The following PDK3 variants were observed in gnomAD, a reference collection of about 807,000 sequenced individuals.
PDK3 encodes pyruvate dehydrogenase kinase 3.
A neutral mutation model predicts 32.0 loss-of-function variants in PDK3; 12 were observed. That is an observed-to-expected ratio of 0.37 (90% CI 0.24 to 0.61). The LOEUF is 0.61. Ranked by LOEUF, PDK3 falls within the 20% of genes least tolerant of loss-of-function variation. The pLI is 0.65. For missense variants in PDK3, 188 were observed against 316.9 expected (o/e 0.59, Z 3.09); for synonymous variants, 122 against 116.3 (o/e 1.05, Z -0.31).
intron 6 of PDK3, among the ~76,000 whole-genome samples, chrX:24,523,483 A>G (rs1480428835): frequency 8.9e-6 from 1 of 112,202 alleles, no homozygotes; most frequent in African/African-American, 3.2e-5. Context: ...TGGTTTGCCG[A>G]AGATTGTCCT....
At chrX:24,469,890 A>T (rs1426632813) in intron 1 of PDK3, among the ~76,000 whole-genome samples, 1 of 112,515 alleles carries the variant, frequency 8.9e-6, no homozygotes, top group Non-Finnish European at 1.9e-5. Flanking sequence ...CATATCTATC[A>T]TCTCACATAG....
At chrX:24,506,801 C>CTTTTTTTTTTTTT (rs10682263) in intron 5 of PDK3, among the ~76,000 whole-genome samples, 4 of 49,505 alleles carry the variant, frequency 8.1e-5, no homozygotes, top group Non-Finnish European at 1.0e-4. Flanking sequence ...TTTTTTCTTT[C>CTTTTTTTTTTTTT]TTTTTTTTTT....
chrX:24,537,117 CTT>C (rs34294652), downstream of PDK3, among the ~76,000 whole-genome samples: 195 of 82,718 alleles, frequency 2.4e-3, 1 homozygote, highest in African/African-American at 8.1e-3. Context: ...CTTTTCTTTT[CTT>C]TTTTTTTTTT....
At chrX:24,511,709 A>G (rs1035398732) in intron 5 of PDK3, among the ~76,000 whole-genome samples, 2 of 110,784 alleles carry the variant, frequency 1.8e-5, no homozygotes, top group African/African-American at 6.6e-5. Context: ...TTAGACGGGC[A>G]TGGTGGCAGG....
intron 5 of PDK3, among the ~76,000 whole-genome samples, chrX:24,507,145 G>A (rs967238397): frequency 9.0e-6 from 1 of 110,812 alleles, no homozygotes; most frequent in Non-Finnish European, 1.9e-5. Context: ...AGAAACCCTG[G>A]ACCTGTTAGC....
At chrX:24,484,733 G>A (rs1338583354) in intron 1 of PDK3, among the ~76,000 whole-genome samples, 2 of 111,572 alleles carry the variant, frequency 1.8e-5, no homozygotes, top group East Asian at 5.6e-4. Context: ...AGCATATTTT[G>A]TATGAGATTT....
intron 2 of PDK3, among the ~76,000 whole-genome samples, chrX:24,497,191 G>A (rs1458493594): frequency 9.0e-6 from 1 of 111,508 alleles, no homozygotes; most frequent in Non-Finnish European, 1.9e-5. Context: ...GGGCATCACT[G>A]GGGCTGGCTG....
At chrX:24,480,662 A>G (rs1921231182) in intron 1 of PDK3, among the ~76,000 whole-genome samples, 1 of 112,472 alleles carries the variant, frequency 8.9e-6, no homozygotes, top group Non-Finnish European at 1.9e-5. Context: ...TCTGTGAGTG[A>G]GATGCCAAAG....
chrX:24,522,905 CA>C (rs778995966), intron 6 of PDK3, among the ~76,000 whole-genome samples: 94 of 83,488 alleles, frequency 1.1e-3, no homozygotes, highest in East Asian at 2.1e-3. Flanking sequence ...GACTCCATCT[CA>C]AAAAAAAAAA....
chrX:24,484,844 T>A (rs924637493), intron 1 of PDK3, among the ~76,000 whole-genome samples: 1 of 108,219 alleles, frequency 9.2e-6, no homozygotes, highest in Non-Finnish European at 1.9e-5. Flanking sequence ...CCATCCCTAT[T>A]CCTCTCTCTC....
chrX:24,521,972 G>T (rs967895833), intron 6 of PDK3, among the ~76,000 whole-genome samples: 16 of 111,798 alleles, frequency 1.4e-4, no homozygotes, highest in African/African-American at 5.2e-4. Flanking sequence ...ATGTGCTTTC[G>T]CCTTAACAAG....
At chrX:24,541,171 A>G (rs1385358150) in exon 12 of PDK3, among the ~76,000 whole-genome samples, 4 of 108,664 alleles carry the variant, frequency 3.7e-5, no homozygotes, top group Non-Finnish European at 7.6e-5. Flanking sequence ...TCAGCCTCCC[A>G]TAGTGCTGGG....
intron 1 of PDK3, among the ~76,000 whole-genome samples, chrX:24,485,537 C>T (rs1010338510): frequency 1.8e-5 from 2 of 110,442 alleles, no homozygotes; most frequent in African/African-American, 6.6e-5. Flanking sequence ...AGACCAGTAG[C>T]GGGCAGGAGT....
intron 1 of PDK3, among the ~76,000 whole-genome samples, chrX:24,468,833 G>T (rs1940086274): frequency 1.8e-5 from 2 of 111,928 alleles, no homozygotes; most frequent in African/African-American, 6.5e-5. Context: ...CATTCCAAAG[G>T]GTGGCATTTT....
Position 24,494,803 on chromosome X carries a change from G to A in PDK3, c.168G>A (p.Arg56=), listed in dbSNP as rs1187493776. Residue 56 remains arginine (R), a synonymous_variant, in exon 2 of 11, where the codon CGG becomes CGA. Coordinates refer to ENST00000379162, the MANE Select transcript of PDK3 (RefSeq NM_005391.5). ...YMFLRKELPV[R]LANTMREVNL... ...TTCTACGAAAGGAACTTCCTGTGCG[G>A]CTGGCTAACACAATGAGAGAAGTTA... The A allele has an allele frequency of 2.5e-6, 3 of 1,195,399 alleles. No individual in the cohort carries two copies. The African/African-American group carries it at 5.3e-5, about 21-fold the overall frequency.
chrX:24,472,885 C>G (rs1291378562), intron 1 of PDK3, among the ~76,000 whole-genome samples: 18 of 106,107 alleles, frequency 1.7e-4, no homozygotes, highest in Admixed American at 6.1e-4. Flanking sequence ...TGGGGTTTCT[C>G]CATGTTGGTC....
At chrX:24,516,595 C>T (rs755183561) in intron 5 of PDK3, among the ~76,000 whole-genome samples, 2 of 111,485 alleles carry the variant, frequency 1.8e-5, no homozygotes, top group South Asian at 3.8e-4. Flanking sequence ...CACAGAAGAC[C>T]GCATATTATT....
intron 1 of PDK3, among the ~76,000 whole-genome samples, chrX:24,468,916 A>C (rs1445074133): frequency 8.9e-6 from 1 of 112,117 alleles, no homozygotes; most frequent in Non-Finnish European, 1.9e-5. Context: ...TCAAAAGGAC[A>C]CAGAAAAGCC....
At chrX:24,476,594 C>T (rs1921118979) in intron 1 of PDK3, among the ~76,000 whole-genome samples, 1 of 111,312 alleles carries the variant, frequency 9.0e-6, no homozygotes, top group African/African-American at 3.3e-5. Context: ...CAGAACCCCT[C>T]CCCACCCCCA....
Sources: allele counts gnomAD v4.1 joint callset (sites outside exome capture counted in the v4.1 genomes callset), GRCh38; gene constraint gnomAD v4.1.1; transcripts MANE v1.5; gene names NCBI Gene and HGNC (gene_info 2026-07-23, HGNC 2026-07-21).